ACTN4: variants seen among roughly 807,000 people sequenced by gnomAD.
The protein encoded by ACTN4 is alpha-actinin-4.
In ACTN4, 18 loss-of-function variants were observed where a neutral mutation model predicts 114.2. The observed-to-expected ratio is 0.16, with a 90% CI of 0.11 to 0.23. The LOEUF is 0.23. Among genes scored for constraint, ACTN4 ranks in the 10% least tolerant of loss-of-function variants. ACTN4 has a pLI of 1.00. For synonymous variants in ACTN4, 515 were observed against 506.3 expected (o/e 1.02, Z -0.23); for missense variants, 722 against 1,262.9 (o/e 0.57, Z 6.49).
chr19:38,674,026 C>A (rs1053965086), intron 1 of ACTN4, among the ~76,000 whole-genome samples: 2 of 151,784 alleles, frequency 1.3e-5, no homozygotes, highest in African/African-American at 4.8e-5. Flanking sequence ...GTGATCTACC[C>A]GCCTCGGCCT....
intron 9 of ACTN4, among the ~76,000 whole-genome samples, chr19:38,715,134 C>A (rs536064889): frequency 1.3e-5 from 2 of 152,210 alleles, no homozygotes; most frequent in Non-Finnish European, 2.9e-5. Context: ...CCCAATGCTT[C>A]AGTTGGAAAT....
chr19:38,728,657 TTCTC>T (rs1038375461), intron 19 of ACTN4, among the ~76,000 whole-genome samples: 5 of 152,138 alleles, frequency 3.3e-5, no homozygotes, highest in African/African-American at 7.2e-5. Flanking sequence ...TTCTTTCTCT[TTCTC>T]TCTTTCTTCC....
chr19:38,672,117 C>T (rs545620812), intron 1 of ACTN4, among the ~76,000 whole-genome samples: 4 of 152,190 alleles, frequency 2.6e-5, no homozygotes, highest in East Asian at 1.9e-4. Flanking sequence ...GAGAGTTTCT[C>T]GCTCTCCCTG....
intron 1 of ACTN4, among the ~76,000 whole-genome samples, chr19:38,679,589 G>GTGTGTGTGTC (rs1423979527): frequency 1.3e-5 from 2 of 151,776 alleles, no homozygotes; most frequent in Non-Finnish European, 2.9e-5. Context: ...GTGTGTGTGT[G>GTGTGTGTGTC]TGTGTGTGTG....
chr19:38,729,545 G>GGGGTGGGTGGGT lies in ACTN4; in HGVS notation c.*117_*128dup, dbSNP rs771173130. 1 of 446,252 alleles carries GGGGTGGGTGGGT rather than the reference G, an allele frequency of 2.2e-6. No homozygotes were observed. Among genetic ancestry groups the GGGGTGGGTGGGT allele is most frequent in the South Asian group, 1.6e-5 (1 of 63,378 alleles). The allele number at this position is 446,252 out of a possible 1,614,324, so 27.6% of individuals were successfully genotyped here. A position where few individuals can be genotyped will look rare whatever the true frequency, so the allele number is the denominator to read the frequency against. Reference sequence around the variant, plus strand: ...TGCAAAGCACTCTCTGCAGTCCTCCGGGGTGGGTGGGTGGGCAGGGAGGGG... The same window carrying GGGGTGGGTGGGT: ...TGCAAAGCACTCTCTGCAGTCCTCCGGGGTGGGTGGGTGGGTGGGTGGGTGGGCAGGGAGGGG... On this transcript the variant is annotated 3_prime_UTR_variant, in exon 21 of 21. Coordinates refer to ENST00000252699, the MANE Select transcript of ACTN4 (RefSeq NM_004924.6).
At position 38,729,708 on chromosome 19, in the gene ACTN4, C is replaced by T. The variant is rs1269444205; in HGVS notation, c.*276C>T. 2 of 633,120 alleles carry T rather than the reference C, an allele frequency of 3.2e-6. No individual in the cohort carries two copies. Among genetic ancestry groups the T allele is most frequent in the African/African-American group, 3.6e-5 (2 of 55,694 alleles). The allele number at this position is 633,120 out of a possible 1,614,324, so 39.2% of individuals were successfully genotyped here. A position where few individuals can be genotyped will look rare whatever the true frequency, so the allele number is the denominator to read the frequency against. ...TGTGCTTTTTTAACCAAGGAGGGGCCAGTGGATTCCCACAGCACAACCGGT... is the reference window on the plus strand; with the variant it reads ...TGTGCTTTTTTAACCAAGGAGGGGCTAGTGGATTCCCACAGCACAACCGGT... On this transcript the variant is annotated 3_prime_UTR_variant, in exon 21 of 21. Coordinates refer to ENST00000252699, the MANE Select transcript of ACTN4 (RefSeq NM_004924.6).
chr19:38,669,407 G>A (rs1967065143), intron 1 of ACTN4, among the ~76,000 whole-genome samples: 1 of 152,250 alleles, frequency 6.6e-6, no homozygotes, highest in Non-Finnish European at 1.5e-5. Flanking sequence ...GTTTGGAGGT[G>A]TCCCCTGTCA....
intron 1 of ACTN4, among the ~76,000 whole-genome samples, chr19:38,663,568 T>C (rs1394597816): frequency 1.3e-5 from 2 of 151,898 alleles, no homozygotes; most frequent in Non-Finnish European, 2.9e-5. Context: ...AGGAGGTGAG[T>C]GTGCAGGAGG....
intron 1 of ACTN4, among the ~76,000 whole-genome samples, chr19:38,677,759 T>C (rs1375282625): frequency 2.0e-5 from 3 of 152,240 alleles, no homozygotes; most frequent in Non-Finnish European, 4.4e-5. Context: ...TTTTCTTTTT[T>C]GAGACGGAGT....
At chr19:38,710,155 T>TCTC in intron 7 of ACTN4, 102 bp from the exon 8 acceptor site, 1 of 1,237,764 alleles carries the variant, frequency 8.1e-7, no homozygotes, top group Non-Finnish European at 1.2e-6. Context: ...TGCAGGTCCC[T>TCTC]CTCCCCCAAG....
intron 1 of ACTN4, among the ~76,000 whole-genome samples, chr19:38,679,568 CGT>C (rs10583743): frequency 0.082 from 11,964 of 145,352 alleles, 533 homozygotes; most frequent in South Asian, 0.13. Context: ...TTTGGGTGTG[CGT>C]GTGTGTGTGT....
intron 1 of ACTN4, among the ~76,000 whole-genome samples, chr19:38,692,789 C>T (rs749178707): frequency 6.6e-6 from 1 of 152,192 alleles, no homozygotes; most frequent in Admixed American, 6.5e-5. Context: ...AAGCCCTGGA[C>T]ACCCTTCCCT....
At position 38,730,566 on chromosome 19, in the gene ACTN4, G is replaced by A. The variant is rs1016505449; in HGVS notation, c.*1134G>A. The A allele has an allele frequency of 3.8e-6, 2 of 520,598 alleles. No individual in the cohort carries two copies. The highest frequency in any genetic ancestry group is 1.9e-5 in the African/African-American group (1 of 52,678). 32.2% of individuals were successfully genotyped at this position (520,598 alleles called of 1,614,324 possible). A position where few individuals can be genotyped will look rare whatever the true frequency, so the allele number is the denominator to read the frequency against. ...CATCATCTTTTTTTATTTCTCCTGT[G>A]TCTGTCCTCCACCTTCTAGGAGAGC... On this transcript the variant is annotated 3_prime_UTR_variant, in exon 21 of 21. Coordinates refer to ENST00000252699, the MANE Select transcript of ACTN4 (RefSeq NM_004924.6).
intron 1 of ACTN4, among the ~76,000 whole-genome samples, chr19:38,681,387 C>T (rs906375566): frequency 3.3e-5 from 5 of 151,722 alleles, no homozygotes; most frequent in African/African-American, 4.8e-5. Flanking sequence ...GGTATCTAGT[C>T]AGGTTACTCT....
chr19:38,714,163 G>A (rs1302876275), intron 8 of ACTN4, among the ~76,000 whole-genome samples: 2 of 152,234 alleles, frequency 1.3e-5, no homozygotes, highest in South Asian at 2.1e-4. Flanking sequence ...CAGCCGACCC[G>A]TCCAGCCTCA....
In ACTN4 at chr19:38,727,104, G is replaced by A; in HGVS notation, c.2337+1G>A. ...GGCGTCCTTCAACCACTTCGACAAG[G>A]TGAGCAGCCTGCCACCTCCTCGGCC... On this transcript the variant is annotated splice_donor_variant, in intron 18 of 20. Coordinates refer to ENST00000252699, the MANE Select transcript of ACTN4 (RefSeq NM_004924.6). LOFTEE classifies it high-confidence loss of function. This position sits in a 1 kb window ranked among gnomAD's most constrained non-coding sequence, Gnocchi z 5.4. 6.2e-7 allele frequency: 1 copy of A among 1,613,894 alleles called. No homozygotes were observed. The highest frequency in any genetic ancestry group is 8.5e-7 in the Non-Finnish European group (1 of 1,180,002).
At chr19:38,728,123 C>T in intron 19 of ACTN4, 97 bp downstream of exon 19, 1 of 1,445,288 alleles carries the variant, frequency 6.9e-7, no homozygotes. Flanking sequence ...CCCTGCCATC[C>T]TGTGTGCCAT....
At chr19:38,713,271 G>C (rs1040080881) in intron 8 of ACTN4, among the ~76,000 whole-genome samples, 7 of 152,216 alleles carry the variant, frequency 4.6e-5, no homozygotes, top group Middle Eastern at 3.2e-3. Context: ...AGTGCACTGA[G>C]CCCCAAGCTG....
In ACTN4 at chr19:38,729,908, C is replaced by T. The variant is rs1313560597; in HGVS notation, c.*476C>T. ...ACCACCTGACGGCTGGGGACCCACC[C>T]AGCCCCTCTCCCCTCTCTGCTCCAG... On this transcript the variant is annotated 3_prime_UTR_variant, in exon 21 of 21. Coordinates refer to ENST00000252699, the MANE Select transcript of ACTN4 (RefSeq NM_004924.6). The T allele has an allele frequency of 3.7e-5, 13 of 353,588 alleles. No individual in the cohort carries two copies. The highest frequency in any genetic ancestry group is 5.6e-5 in the Non-Finnish European group (10 of 178,880). 21.9% of individuals were successfully genotyped at this position (353,588 alleles called of 1,614,324 possible). A position where few individuals can be genotyped will look rare whatever the true frequency, so the allele number is the denominator to read the frequency against.
Sources: allele counts gnomAD v4.1 joint callset (sites outside exome capture counted in the v4.1 genomes callset), GRCh38; gene constraint gnomAD v4.1.1; non-coding constraint Gnocchi (gnomAD v3.1); transcripts MANE v1.5; gene names NCBI Gene and HGNC (gene_info 2026-07-23, HGNC 2026-07-21).